Variants in SNTG1 observed in about 807,000 individuals in gnomAD.
The protein encoded by SNTG1 is gamma-1-syntrophin.
A neutral mutation model predicts 74.7 loss-of-function variants in SNTG1; 39 were observed. That is an observed-to-expected ratio of 0.52 (90% CI 0.40 to 0.68). The LOEUF (loss-of-function observed/expected upper bound fraction) is 0.68, where lower values mean the gene tolerates loss of function less well. SNTG1 is among the 30% of genes least tolerant of loss of function. SNTG1 has a pLI of 0.00. For synonymous variants in SNTG1, 254 were observed against 217.1 expected, an observed-to-expected ratio of 1.17 and a Z score of -1.49; for missense variants, 685 against 609.5, an observed-to-expected ratio of 1.12 and a Z score of -1.30.
intron 1 of SNTG1, among the ~76,000 whole-genome samples, chr8:50,038,608 G>T (rs1818359909): frequency 6.6e-6 from 1 of 152,058 alleles, no homozygotes; most frequent in Admixed American, 6.5e-5. Context: ...CCCATTTGAT[G>T]TGAAGGGTAA....
At chr8:50,085,774 G>C (rs1479501875) in intron 1 of SNTG1, among the ~76,000 whole-genome samples, 1 of 152,156 alleles carries the variant, frequency 6.6e-6, no homozygotes, top group Non-Finnish European at 1.5e-5. Context: ...ACATCTTTGG[G>C]AACTCCACAT....
At chr8:50,589,929 C>T (rs2094680982) in intron 12 of SNTG1, among the ~76,000 whole-genome samples, 1 of 152,112 alleles carries the variant, frequency 6.6e-6, no homozygotes. Context: ...TTGCTCAGAT[C>T]ACACATATGT....
rs796818678 is a variant in SNTG1, at chr8:50,301,461, TATC to T, written c.-27-92742_-27-92740del. Among the ~76,000 whole-genome samples, 13 of 152,294 alleles carry T rather than the reference TATC, an allele frequency of 8.5e-5. 1 individual carries two copies. Among genetic ancestry groups the T allele is most frequent in the African/African-American group, 3.1e-4 (13 of 41,584 alleles). On this transcript the variant is annotated intron_variant, in intron 2 of 18. Coordinates refer to ENST00000642720, the MANE Select transcript of SNTG1 (RefSeq NM_018967.5). ...TATTGACATTCTATATTTCATAATT[TATC>T]ATCATCATACTGTCATTTAATTCTT...
intron 2 of SNTG1, among the ~76,000 whole-genome samples, chr8:50,241,082 T>C (rs1173413744): frequency 6.6e-6 from 1 of 152,206 alleles, no homozygotes; most frequent in Non-Finnish European, 1.5e-5. Context: ...TTAGAGTAAG[T>C]AGAAAGACAA....
chr8:50,640,684 G>A (rs1056614880), intron 13 of SNTG1, among the ~76,000 whole-genome samples: 2 of 152,142 alleles, frequency 1.3e-5, no homozygotes, highest in Admixed American at 6.5e-5. Context: ...TGACAAAACT[G>A]TACATGAATG....
chr8:49,932,545 T>C (rs907210672), intron 1 of SNTG1, among the ~76,000 whole-genome samples: 1 of 149,402 alleles, frequency 6.7e-6, no homozygotes, highest in Non-Finnish European at 1.5e-5. Context: ...ATTATGTCTT[T>C]AAAAAAAAAA....
intron 1 of SNTG1, among the ~76,000 whole-genome samples, chr8:49,997,879 C>A (rs553496274): frequency 6.6e-6 from 1 of 152,310 alleles, no homozygotes; most frequent in Admixed American, 6.5e-5. Context: ...CAAGACTTCT[C>A]ACCTGAAGTC....
rs368899324 is a variant in SNTG1 at position 50,483,362 on chromosome 8, AT to A, written c.364-19410del. On this transcript the variant is annotated intron_variant, in intron 8 of 18. Coordinates refer to ENST00000642720, the MANE Select transcript of SNTG1 (RefSeq NM_018967.5). ...AAGGCAGACAATTTTCTCCCTACCC[AT>A]TTTTTAATACATTATATTTGGGATA... 2.4e-4 allele frequency among the ~76,000 whole-genome samples: 37 copies of A among 151,804 alleles called. No homozygotes were observed. In the South Asian group the frequency reaches 2.5e-3, roughly 10 times the overall value.
intron 1 of SNTG1, among the ~76,000 whole-genome samples, chr8:50,086,557 A>T (rs139470416): frequency 2.8e-4 from 43 of 152,198 alleles, no homozygotes; most frequent in African/African-American, 1.0e-3. Context: ...TGTCTGTATC[A>T]TTTATAGAGA....
At chr8:50,597,390 C>CGT (rs1563627971) in intron 13 of SNTG1, among the ~76,000 whole-genome samples, 48 of 136,426 alleles carry the variant, frequency 3.5e-4, no homozygotes, top group South Asian at 1.4e-3. Context: ...CACATATATA[C>CGT]ATATATACAT....
At position 50,105,532 on chromosome 8, in the gene SNTG1, T is replaced by C. The variant is rs569488502; in HGVS notation, c.-102-67029T>C. On this transcript the variant is annotated intron_variant, in intron 1 of 18. Transcript: ENST00000642720. ...ATTATTGTTTTGGCTCTTTGGGCTC[T>C]TTTTTGTCTTCAAATAATTTTTTTC... Among the ~76,000 whole-genome samples, 11 of 152,146 alleles carry C rather than the reference T, an allele frequency of 7.2e-5. No homozygotes were observed. In the East Asian group the frequency reaches 1.9e-3, roughly 27 times the overall value.
chr8:50,091,824 A>T (rs1003304435), intron 1 of SNTG1, among the ~76,000 whole-genome samples: 1 of 151,534 alleles, frequency 6.6e-6, no homozygotes, highest in African/African-American at 2.4e-5. Context: ...TTTAAATTTA[A>T]TTTTTTTTTC....
chr8:50,748,642 A>G (rs1014392954), intron 17 of SNTG1, among the ~76,000 whole-genome samples: 1 of 152,022 alleles, frequency 6.6e-6, no homozygotes, highest in African/African-American at 2.4e-5. Context: ...CTGTTTTTCC[A>G]ACAGCGTGCG....
In SNTG1 at chr8:50,123,458, A is replaced by G. The variant is rs771237045; in HGVS notation, c.-102-49103A>G. ...GATTCAGTTACACTCAGCTAAAATT[A>G]TAGTTTTATTCACTGCTGCCAAAAA... On this transcript the variant is annotated intron_variant, in intron 1 of 18. Coordinates refer to ENST00000642720, the MANE Select transcript of SNTG1 (RefSeq NM_018967.5). Among the ~76,000 whole-genome samples, 28 of 142,588 alleles carry G rather than the reference A, an allele frequency of 2.0e-4. 4 individuals carry two copies. Among genetic ancestry groups the G allele is most frequent in the South Asian group, 5.2e-4 (2 of 3,812 alleles). The allele number at this position is 142,588 out of a possible 152,430, so 93.5% of individuals were successfully genotyped here. A position where few individuals can be genotyped will look rare whatever the true frequency, so the allele number is the denominator to read the frequency against.
intron 12 of SNTG1, among the ~76,000 whole-genome samples, chr8:50,565,185 A>G (rs2094509432): frequency 6.6e-6 from 1 of 152,030 alleles, no homozygotes; most frequent in Non-Finnish European, 1.5e-5. Flanking sequence ...CTTCAAAAAT[A>G]AGGAAAAATT....
At chr8:50,075,833 A>G (rs1352564519) in intron 1 of SNTG1, among the ~76,000 whole-genome samples, 1 of 152,122 alleles carries the variant, frequency 6.6e-6, no homozygotes, top group African/African-American at 2.4e-5. Context: ...AAGGTCTGCA[A>G]CTTCATTCTT....
At chr8:50,547,074 T>C (rs2094393332) in intron 11 of SNTG1, among the ~76,000 whole-genome samples, 1 of 152,106 alleles carries the variant, frequency 6.6e-6, no homozygotes, top group African/African-American at 2.4e-5. Flanking sequence ...TGAGCCACCA[T>C]GCCCGGCAGA....
intron 2 of SNTG1, among the ~76,000 whole-genome samples, chr8:50,275,070 G>T (rs1348461153): frequency 6.6e-6 from 1 of 151,966 alleles, no homozygotes; most frequent in Non-Finnish European, 1.5e-5. Flanking sequence ...TTACGGTAAT[G>T]CTGGCCTTCT....
rs1230732917 is a variant in SNTG1 at position 49,911,513 on chromosome 8, G to A, written c.-821G>A. On this transcript the variant is annotated 5_prime_UTR_variant, in exon 1 of 19. Coordinates refer to ENST00000642720, the MANE Select transcript of SNTG1 (RefSeq NM_018967.5). ...TTCCAGAAACGTTGTCACCAAATAA[G>A]TATGAGACTGTTAATTTGGAGAAAC... 6.8e-6 allele frequency: 1 copy of A among 146,584 alleles called. No individual in the cohort carries two copies. 9.1% of individuals were successfully genotyped at this position (146,584 alleles called of 1,614,324 possible).
Sources: gnomAD v4.1 joint callset for allele counts (sites outside exome capture counted in the v4.1 genomes callset) on GRCh38, gnomAD v4.1.1 for gene constraint, MANE v1.5 for transcripts, NCBI Gene and HGNC (gene_info 2026-07-23, HGNC 2026-07-21) for gene names.